The following ANKS1B variants were observed in gnomAD, a reference collection of about 807,000 sequenced individuals.
ANKS1B encodes the protein ankyrin repeat and sterile alpha motif domain-containing protein 1B.
ANKS1B carries 36 observed loss-of-function variants against 148.3 expected under a neutral mutation model. That is an observed-to-expected ratio of 0.24 (90% CI 0.19 to 0.32). ANKS1B has a LOEUF of 0.32. Among genes scored for constraint, ANKS1B ranks in the 10% least tolerant of loss-of-function variants. ANKS1B has a pLI of 1.00. For missense variants in ANKS1B, 1,157 were observed against 1,542.6 expected (o/e 0.75, Z 4.19); for synonymous variants, 542 against 560.8 (o/e 0.97, Z 0.47).
At chr12:98,991,740 G>GC (rs1225582362) in intron 17 of ANKS1B, among the ~76,000 whole-genome samples, 1 of 152,132 alleles carries the variant, frequency 6.6e-6, no homozygotes, top group Non-Finnish European at 1.5e-5. Flanking sequence ...TGCTGAAGTC[G>GC]CATAGCTAGT....
At chr12:99,493,724 G>C (rs1170420720) in intron 10 of ANKS1B, among the ~76,000 whole-genome samples, 1 of 152,160 alleles carries the variant, frequency 6.6e-6, no homozygotes, top group East Asian at 1.9e-4. Flanking sequence ...AAAAGGTTTG[G>C]GGGGAAAGAT....
intron 8 of ANKS1B, among the ~76,000 whole-genome samples, chr12:99,701,524 CT>C (rs1483314362): frequency 6.6e-6 from 1 of 152,132 alleles, no homozygotes; most frequent in African/African-American, 2.4e-5. Context: ...TTCATCATTT[CT>C]TTGTGCTACA....
At position 99,938,278 on chromosome 12, in the gene ANKS1B, A is replaced by T. The variant is rs77261129; in HGVS notation, c.134+45826T>A. On this transcript the variant is annotated intron_variant, in intron 1 of 26. Transcript: ENST00000683438. ...GACTGATAGCCAGCAAGAAATTGAAACCCTCAGTCCTACAACCACAGGAAT... is the reference window on the plus strand; with the variant it reads ...GACTGATAGCCAGCAAGAAATTGAATCCCTCAGTCCTACAACCACAGGAAT... Among the ~76,000 whole-genome samples, 3,940 of 152,130 alleles carry T rather than the reference A, an allele frequency of 0.026. 405 individuals carry two copies. The East Asian group carries it at 0.36, about 14-fold the overall frequency.
intron 2 of ANKS1B, among the ~76,000 whole-genome samples, chr12:99,818,095 A>G (rs1394405045): frequency 6.6e-6 from 1 of 151,894 alleles, no homozygotes; most frequent in Non-Finnish European, 1.5e-5. Context: ...GTAGGGGAAA[A>G]CACCTCAGGA....
chr12:99,176,714 T>G (rs2078432097), intron 14 of ANKS1B, among the ~76,000 whole-genome samples: 1 of 152,064 alleles, frequency 6.6e-6, no homozygotes, highest in Admixed American at 6.6e-5. Context: ...TCACATGAGA[T>G]CTGGTCATTA....
At chr12:99,372,375 G>A (rs1447675770) in intron 12 of ANKS1B, among the ~76,000 whole-genome samples, 2 of 151,904 alleles carry the variant, frequency 1.3e-5, no homozygotes, top group African/African-American at 4.8e-5. Flanking sequence ...AAATCAACTT[G>A]CACCATACTG....
intron 26 of ANKS1B, among the ~76,000 whole-genome samples, chr12:98,746,749 G>A (rs1004559349): frequency 2.0e-5 from 3 of 152,182 alleles, no homozygotes; most frequent in African/African-American, 7.2e-5. Context: ...GGTATCAAAA[G>A]AATGAGGTAA....
chr12:99,342,726 A>C (rs2090108218), intron 12 of ANKS1B, among the ~76,000 whole-genome samples: 1 of 152,100 alleles, frequency 6.6e-6, no homozygotes, highest in Non-Finnish European at 1.5e-5. Flanking sequence ...TGGATTCTGC[A>C]AGGAGAAAAT....
intron 12 of ANKS1B, among the ~76,000 whole-genome samples, chr12:99,294,335 A>G (rs1032317643): frequency 6.6e-6 from 1 of 152,248 alleles, no homozygotes; most frequent in Non-Finnish European, 1.5e-5. Context: ...ATGTAGTACT[A>G]TTCAGCCATA....
intron 25 of ANKS1B, among the ~76,000 whole-genome samples, chr12:98,768,460 C>CGCGGTG (rs2098516568): frequency 3.3e-5 from 4 of 122,024 alleles, no homozygotes; most frequent in African/African-American, 1.2e-4. Context: ...AAAGGCCGGG[C>CGCGGTG]ACGGTGGCTC....
intron 4 of ANKS1B, among the ~76,000 whole-genome samples, chr12:99,800,985 GTTAACTATGGA>G: frequency 6.6e-6 from 1 of 152,206 alleles, no homozygotes; most frequent in East Asian, 1.9e-4. Flanking sequence ...GATGAGGGCA[GTTAACTATGGA>G]ATAGGGACAC....
intron 12 of ANKS1B, among the ~76,000 whole-genome samples, chr12:99,291,989 C>T (rs529645167): frequency 6.6e-6 from 1 of 152,230 alleles, no homozygotes; most frequent in South Asian, 2.1e-4. Flanking sequence ...TTCTTTACAC[C>T]TTATACAAAA....
In ANKS1B at chr12:99,793,049, A is replaced by G. The variant is rs532513178; in HGVS notation, c.670-10952T>C. ...AAATCAGCAGCATTTCTATATGCCA[A>G]CAGTAAACAATGTGAAAAAGAAAAT... is the stretch of plus-strand genomic sequence containing the variant. On this transcript the variant is annotated intron_variant, in intron 4 of 26. Transcript: ENST00000683438. 2.4e-4 allele frequency among the ~76,000 whole-genome samples: 36 copies of G among 152,156 alleles called. No homozygotes were observed. The South Asian group carries it at 6.6e-3, about 28-fold the overall frequency.
rs182638110 is a variant in ANKS1B, at chr12:99,401,298, A to G, written c.1576-1487T>C. 4.8e-5 allele frequency among the ~76,000 whole-genome samples: 7 copies of G among 146,330 alleles called. No homozygotes were observed. The East Asian group carries it at 1.3e-3, about 28-fold the overall frequency. ...TTCAATGTCCTTTCCACCACATTCT[A>G]TAATAGCAATTAGAAAGGCATGAGC... is the stretch of plus-strand genomic sequence containing the variant. On this transcript the variant is annotated intron_variant, in intron 11 of 26. Transcript: ENST00000683438.
intron 9 of ANKS1B, among the ~76,000 whole-genome samples, chr12:99,646,357 T>A (rs76492518): frequency 2.0e-5 from 3 of 152,128 alleles, no homozygotes; most frequent in Admixed American, 6.5e-5. Context: ...CATTGACTTA[T>A]GCAACTAAAG....
intron 17 of ANKS1B, among the ~76,000 whole-genome samples, chr12:98,926,316 G>A (rs2099808094): frequency 6.6e-6 from 1 of 152,180 alleles, no homozygotes; most frequent in Non-Finnish European, 1.5e-5. Context: ...TGTGGATGCA[G>A]TGAGAGATAA....
chr12:99,818,395 T>C (rs912147628), intron 2 of ANKS1B, among the ~76,000 whole-genome samples: 5 of 151,822 alleles, frequency 3.3e-5, no homozygotes, highest in Non-Finnish European at 7.4e-5. Flanking sequence ...TTCAAGTACA[T>C]TTACTAATGT....
At chr12:99,648,023 T>C in intron 9 of ANKS1B, 2 of 1,066,108 alleles carry the variant, frequency 1.9e-6, no homozygotes, top group Non-Finnish European at 2.6e-6. Context: ...CCACCCTCCC[T>C]GTTCTCAGTC....
chr12:99,142,264 G>T (rs1001986408), intron 15 of ANKS1B, among the ~76,000 whole-genome samples: 2 of 151,974 alleles, frequency 1.3e-5, no homozygotes, highest in Non-Finnish European at 2.9e-5. Context: ...GAAAGATCGG[G>T]TAAACAGGGA....
Sources: allele counts gnomAD v4.1 joint callset (sites outside exome capture counted in the v4.1 genomes callset), GRCh38; gene constraint gnomAD v4.1.1; transcripts MANE v1.5; gene names NCBI Gene and HGNC (gene_info 2026-07-23, HGNC 2026-07-21).